The following IMMP2L variants were observed in gnomAD, a reference collection of about 807,000 sequenced individuals.
IMMP2L encodes mitochondrial inner membrane protease subunit 2.
Under a neutral mutation model 19.3 loss-of-function variants are expected in IMMP2L, and 18 were observed. The ratio of observed to expected loss-of-function variants is 0.93; its 90% CI spans 0.64 to 1.38. IMMP2L has a LOEUF of 1.38. IMMP2L is among the 40% of genes most tolerant of loss of function. The pLI is 0.00. For synonymous variants in IMMP2L, 76 were observed against 73.0 expected (o/e 1.04, Z -0.21); for missense variants, 233 against 218.2 (o/e 1.07, Z -0.43).
rs1250796007 is a variant in IMMP2L, at chr7:111,122,816, C to A, written c.240-159251G>T. ...CGAATTCATGTGCTACTTGGCCTAG[C>A]TATCACTACACTAGTACAAGCTGTA... On this transcript the variant is annotated intron_variant, in intron 3 of 5. Coordinates refer to ENST00000405709, the MANE Select transcript of IMMP2L (RefSeq NM_032549.4). The A allele has an allele frequency of 1.9e-6, 3 of 1,613,668 alleles. No individual in the cohort carries two copies. The Admixed American group carries it at 5.0e-5, about 27-fold the overall frequency.
At chr7:110,911,189 C>T (rs76232261) in intron 4 of IMMP2L, among the ~76,000 whole-genome samples, 3,704 of 152,054 alleles carry the variant, frequency 0.024, 128 homozygotes, top group African/African-American at 0.084. Context: ...GGAAATTACA[C>T]GACTGAAAAT....
intron 3 of IMMP2L, among the ~76,000 whole-genome samples, chr7:111,183,630 A>G (rs1230903919): frequency 6.6e-6 from 1 of 152,094 alleles, no homozygotes; most frequent in African/African-American, 2.4e-5. Context: ...ACTTACAGTC[A>G]GAAGTTGGGT....
chr7:111,204,726 T>G (rs1173490339), intron 3 of IMMP2L, among the ~76,000 whole-genome samples: 1 of 152,176 alleles, frequency 6.6e-6, no homozygotes, highest in African/African-American at 2.4e-5. Flanking sequence ...GAGCTTATGT[T>G]TTGCTATCCC....
At chr7:110,983,360 A>G (rs187863565) in intron 3 of IMMP2L, among the ~76,000 whole-genome samples, 82 of 152,146 alleles carry the variant, frequency 5.4e-4, no homozygotes, top group Admixed American at 3.5e-3. Flanking sequence ...TTAATGCTGT[A>G]ACTTGACAGA....
chr7:110,999,301 T>A (rs2129560903), intron 3 of IMMP2L, among the ~76,000 whole-genome samples: 1 of 140,724 alleles, frequency 7.1e-6, no homozygotes, highest in East Asian at 2.2e-4. Context: ...GTTAATTTGT[T>A]TTCTTTTTTT....
intron 2 of IMMP2L, among the ~76,000 whole-genome samples, chr7:111,506,920 C>A (rs1844966816): frequency 6.6e-6 from 1 of 152,108 alleles, no homozygotes; most frequent in Non-Finnish European, 1.5e-5. Context: ...TGGTTTATTG[C>A]AACCTCTGCC....
At chr7:111,092,172 C>T (rs1796941205) in intron 3 of IMMP2L, among the ~76,000 whole-genome samples, 1 of 152,150 alleles carries the variant, frequency 6.6e-6, no homozygotes, top group South Asian at 2.1e-4. Flanking sequence ...TAATAACATC[C>T]CCTCGCTGGT....
rs1277167281 is a variant in IMMP2L at position 110,877,130 on chromosome 7, A to G, written c.408+9463T>C. The stretch of plus-strand genomic sequence containing the variant: ...AGCCAGAGTGTGGCTGTGTTCCAAC[A>G]TAACTTCTTTTATACAGAAATAGGA... On this transcript the variant is annotated intron_variant, in intron 5 of 5. Coordinates refer to ENST00000405709, the MANE Select transcript of IMMP2L (RefSeq NM_032549.4). The surrounding 1 kb of genome is among the most constrained non-coding windows in gnomAD (Gnocchi z 4.0). Among the ~76,000 whole-genome samples the G allele has an allele frequency of 1.3e-5, 2 of 152,178 alleles. No homozygotes were observed. The highest frequency in any genetic ancestry group is 4.8e-5 in the African/African-American group (2 of 41,454).
chr7:110,823,926 C>T (rs542234366), intron 5 of IMMP2L, among the ~76,000 whole-genome samples: 4 of 152,124 alleles, frequency 2.6e-5, no homozygotes, highest in Admixed American at 1.3e-4. Flanking sequence ...TACTCAGAGG[C>T]AGAAGTCTGA....
chr7:110,980,385 C>T (rs1821167223), intron 3 of IMMP2L, among the ~76,000 whole-genome samples: 2 of 151,804 alleles, frequency 1.3e-5, no homozygotes, highest in African/African-American at 2.4e-5. Context: ...CCCACCACCA[C>T]GCCTGGCTAA....
intron 1 of IMMP2L, among the ~76,000 whole-genome samples, chr7:111,549,550 T>C (rs1849249326): frequency 6.6e-6 from 1 of 152,302 alleles, no homozygotes; most frequent in South Asian, 2.1e-4. Flanking sequence ...ATTAGCATAA[T>C]GTAGTCATAT....
intron 3 of IMMP2L, among the ~76,000 whole-genome samples, chr7:111,331,586 T>C (rs1000714774): frequency 2.6e-5 from 4 of 151,840 alleles, no homozygotes; most frequent in Non-Finnish European, 5.9e-5. Flanking sequence ...CAAAAAAAGG[T>C]ATTTGAGGTA....
chr7:111,209,747 CTTCT>C (rs1372565321), intron 3 of IMMP2L, among the ~76,000 whole-genome samples: 1 of 152,170 alleles, frequency 6.6e-6, no homozygotes, highest in African/African-American at 2.4e-5. Context: ...TAAAATAACT[CTTCT>C]TTGTTACTCT....
intron 4 of IMMP2L, among the ~76,000 whole-genome samples, chr7:110,937,759 C>T (rs1294213592): frequency 5.3e-5 from 8 of 152,152 alleles, no homozygotes; most frequent in African/African-American, 1.9e-4. Context: ...ATACCTTATA[C>T]TATGTCCTGG....
intron 1 of IMMP2L, among the ~76,000 whole-genome samples, chr7:111,545,461 G>A (rs1482945029): frequency 1.3e-5 from 2 of 152,140 alleles, no homozygotes; most frequent in African/African-American, 4.8e-5. Flanking sequence ...CGCAATCTCA[G>A]CTCACCGCAA....
chr7:111,140,196 G>C (rs545688932), intron 3 of IMMP2L, among the ~76,000 whole-genome samples: 1 of 152,200 alleles, frequency 6.6e-6, no homozygotes, highest in East Asian at 1.9e-4. Flanking sequence ...ACTCAGGGGG[G>C]ATTTCAGAGG....
At position 110,967,938 on chromosome 7, in the gene IMMP2L, C is replaced by CAA. The variant is rs1477468217; in HGVS notation, c.240-4375_240-4374dup. On this transcript the variant is annotated intron_variant, in intron 3 of 5. Coordinates refer to ENST00000405709, the MANE Select transcript of IMMP2L (RefSeq NM_032549.4). Reference sequence around the variant, plus strand: ...TTGCCAGAGTTTAGCATGGTTTTCACAATGGCTAGAGCTAAAAGGCTTTGG... The same window carrying CAA: ...TTGCCAGAGTTTAGCATGGTTTTCACAAAATGGCTAGAGCTAAAAGGCTTTGG... Among the ~76,000 whole-genome samples the CAA allele has an allele frequency of 2.6e-5, 4 of 152,174 alleles. No individual in the cohort carries two copies. The East Asian group carries it at 5.8e-4, about 22-fold the overall frequency.
At chr7:111,438,741 G>C (rs888516273) in intron 3 of IMMP2L, among the ~76,000 whole-genome samples, 8 of 151,834 alleles carry the variant, frequency 5.3e-5, no homozygotes, top group African/African-American at 1.9e-4. Context: ...CTTCTTCCCA[G>C]AAGATAGATG....
At chr7:111,135,281 A>G (rs1562837632) in intron 3 of IMMP2L, among the ~76,000 whole-genome samples, 1 of 152,198 alleles carries the variant, frequency 6.6e-6, no homozygotes, top group Non-Finnish European at 1.5e-5. Context: ...ACTTTTTAAG[A>G]TATAAGACAT....
Sources: gnomAD v4.1 joint callset for allele counts (sites outside exome capture counted in the v4.1 genomes callset) on GRCh38, gnomAD v4.1.1 for gene constraint, Gnocchi (gnomAD v3.1) non-coding constraint, MANE v1.5 for transcripts, NCBI Gene and HGNC (gene_info 2026-07-23, HGNC 2026-07-21) for gene names.